Variants in PBX1 observed in about 807,000 individuals in gnomAD.
PBX1 encodes PBX homeobox 1.
A neutral mutation model predicts 53.4 loss-of-function variants in PBX1; 6 were observed. The observed-to-expected ratio is 0.11, with a 90% CI of 0.06 to 0.22. PBX1 has a LOEUF of 0.22. PBX1 is among the 10% of genes least tolerant of loss of function. The probability of loss-of-function intolerance (pLI) is 1.00; values close to 1 mark genes in which losing one functional copy is unlikely to be tolerated. For synonymous variants in PBX1, 204 were observed against 212.3 expected (o/e 0.96, Z 0.34); for missense variants, 251 against 551.4 (o/e 0.46, Z 5.46).
chr1:164,774,811 G>A (rs904823126), intron 2 of PBX1, among the ~76,000 whole-genome samples: 6 of 151,956 alleles, frequency 3.9e-5, no homozygotes, highest in South Asian at 2.1e-4. Flanking sequence ...TTTTCTGTTC[G>A]TCCCCTGTAG....
chr1:164,711,071 T>A (rs1663738135), intron 2 of PBX1, among the ~76,000 whole-genome samples: 1 of 152,156 alleles, frequency 6.6e-6, no homozygotes, highest in Non-Finnish European at 1.5e-5. Flanking sequence ...TCTCTTTTTT[T>A]CTTCTGCTCA....
intron 2 of PBX1, among the ~76,000 whole-genome samples, chr1:164,672,733 A>C (rs980598111): frequency 1.3e-5 from 2 of 152,244 alleles, no homozygotes; most frequent in Non-Finnish European, 2.9e-5. Flanking sequence ...ATGTGTGTAC[A>C]TCTGATTATT....
At chr1:164,713,766 G>A (rs990986243) in intron 2 of PBX1, among the ~76,000 whole-genome samples, 3 of 152,132 alleles carry the variant, frequency 2.0e-5, no homozygotes, top group African/African-American at 7.2e-5. Flanking sequence ...CTATTTACAA[G>A]GCCCTTTTAT....
At chr1:164,881,381 GAA>G (rs1672649544) in intron 2 of PBX1, among the ~76,000 whole-genome samples, 1 of 24,204 alleles carries the variant, frequency 4.1e-5, no homozygotes, top group Non-Finnish European at 1.9e-4. Flanking sequence ...AGGAAGGAAG[GAA>G]GGAAGGAAGG....
intron 2 of PBX1, among the ~76,000 whole-genome samples, chr1:164,879,062 G>A (rs1215856779): frequency 2.0e-4 from 30 of 152,150 alleles, no homozygotes; most frequent in Admixed American, 2.0e-3. Flanking sequence ...CCCAAATCTG[G>A]GGATTAGCTG....
chr1:164,604,538 G>A (rs1251330807), intron 2 of PBX1, among the ~76,000 whole-genome samples: 1 of 152,198 alleles, frequency 6.6e-6, no homozygotes, highest in African/African-American at 2.4e-5. Flanking sequence ...ACAGGATCTA[G>A]TGATTTGGCC....
At chr1:164,756,322 T>C (rs952176783) in intron 2 of PBX1, among the ~76,000 whole-genome samples, 4 of 152,208 alleles carry the variant, frequency 2.6e-5, no homozygotes, top group Non-Finnish European at 4.4e-5. Flanking sequence ...TAAAATCTTA[T>C]GGAAAATAGT....
At chr1:164,774,477 G>A (rs1667549833) in intron 2 of PBX1, 1 of 152,154 alleles carries the variant, frequency 6.6e-6, no homozygotes, top group Non-Finnish European at 1.5e-5. Flanking sequence ...TATGTCAGCT[G>A]GGACCCTGTA....
At chr1:164,861,287 C>T (rs1442418587) in intron 2 of PBX1, among the ~76,000 whole-genome samples, 18 of 152,040 alleles carry the variant, frequency 1.2e-4, no homozygotes, top group Admixed American at 7.2e-4. Context: ...ACTTCCATGG[C>T]GTGCCCTTGT....
At chr1:164,790,298 CCATT>C (rs1395712958) in intron 2 of PBX1, among the ~76,000 whole-genome samples, 1 of 152,162 alleles carries the variant, frequency 6.6e-6, no homozygotes, top group African/African-American at 2.4e-5. Flanking sequence ...GAGCAGTTTC[CCATT>C]CAGTCTCCTG....
chr1:164,720,479 A>G (rs896813531), intron 2 of PBX1, among the ~76,000 whole-genome samples: 5 of 152,172 alleles, frequency 3.3e-5, no homozygotes, highest in African/African-American at 1.2e-4. Context: ...TGTGCAATGA[A>G]AGTCAGCATT....
intron 8 of PBX1, among the ~76,000 whole-genome samples, chr1:164,835,536 T>G (rs979514146): frequency 6.6e-6 from 1 of 152,190 alleles, no homozygotes; most frequent in African/African-American, 2.4e-5. Flanking sequence ...TCGTTTTTAT[T>G]TTAACTTGTA....
chr1:164,769,714 A>C (rs1216170224), intron 2 of PBX1: 1 of 152,198 alleles, frequency 6.6e-6, no homozygotes, highest in African/African-American at 2.4e-5. Context: ...TATATAAGTG[A>C]TGAAACTCTA....
chr1:164,598,783 T>A (rs1321026312), intron 2 of PBX1, among the ~76,000 whole-genome samples: 1 of 152,214 alleles, frequency 6.6e-6, no homozygotes, highest in Non-Finnish European at 1.5e-5. Context: ...CTGAAATAGC[T>A]TGACATTGTG....
chr1:164,598,833 T>G (rs536441183), intron 2 of PBX1, among the ~76,000 whole-genome samples: 1 of 152,328 alleles, frequency 6.6e-6, no homozygotes, highest in Non-Finnish European at 1.5e-5. Context: ...TTTATGTGAT[T>G]AGATTTGACC....
chr1:164,721,403 C>T (rs1181700147), intron 2 of PBX1, among the ~76,000 whole-genome samples: 1 of 151,530 alleles, frequency 6.6e-6, no homozygotes, highest in Non-Finnish European at 1.5e-5. Flanking sequence ...GGTGACACTC[C>T]ATCTGTAAAA....
chr1:164,666,654 A>G (rs1383239999), intron 2 of PBX1, among the ~76,000 whole-genome samples: 7 of 152,176 alleles, frequency 4.6e-5, no homozygotes, highest in Non-Finnish European at 7.3e-5. Context: ...AATAACACCT[A>G]TGGGCCTAGG....
intron 2 of PBX1, among the ~76,000 whole-genome samples, chr1:164,714,001 T>C (rs1663948592): frequency 6.6e-6 from 1 of 152,240 alleles, no homozygotes; most frequent in Admixed American, 6.5e-5. Context: ...TGACTGGCAA[T>C]TTAGGAGACA....
intron 2 of PBX1, among the ~76,000 whole-genome samples, chr1:164,679,155 A>G (rs1661603645): frequency 6.6e-6 from 1 of 152,168 alleles, no homozygotes; most frequent in African/African-American, 2.4e-5. Flanking sequence ...CTCTTAATTA[A>G]CCACATCCAA....
Sources: gnomAD v4.1 joint callset for allele counts (sites outside exome capture counted in the v4.1 genomes callset) on GRCh38, gnomAD v4.1.1 for gene constraint, MANE v1.5 for transcripts, NCBI Gene and HGNC (gene_info 2026-07-23, HGNC 2026-07-21) for gene names.